Variants in ZNF106 observed in about 807,000 individuals in gnomAD.
The protein encoded by ZNF106 is SH3-domain binding protein 3.
In ZNF106, 67 loss-of-function variants were observed where a neutral mutation model predicts 195.1. That is an observed-to-expected ratio of 0.34 (90% CI 0.28 to 0.42). ZNF106 has a LOEUF of 0.42. ZNF106 is among the 10% of genes least tolerant of loss of function. The probability of loss-of-function intolerance (pLI) is 1.00; values close to 1 mark genes in which losing one functional copy is unlikely to be tolerated. For missense variants in ZNF106, 2,118 were observed against 2,304.5 expected, an observed-to-expected ratio of 0.92 and a Z score of 1.66; for synonymous variants, 784 against 818.6, an observed-to-expected ratio of 0.96 and a Z score of 0.72.
chr15:42,468,978 G>A (rs1012871313), intron 2 of ZNF106, among the ~76,000 whole-genome samples: 3 of 152,052 alleles, frequency 2.0e-5, no homozygotes, highest in East Asian at 1.9e-4. Flanking sequence ...CCTGAGGTTA[G>A]GAGTTCGAGA....
intron 8 of ZNF106, 29 bp from the exon 9 acceptor site, chr15:42,444,291 T>G (rs1262030531): frequency 5.1e-6 from 8 of 1,571,578 alleles, no homozygotes; most frequent in Non-Finnish European, 7.0e-6. Context: ...ATTAAGCATT[T>G]TGAAATCCAA....
chr15:42,472,391 C>A (rs1041990203), intron 1 of ZNF106, 70 bp from the exon 2 acceptor site: 2 of 1,161,436 alleles, frequency 1.7e-6, no homozygotes, highest in Non-Finnish European at 1.2e-6. Context: ...TTCACATAAC[C>A]AAAATTACAA....
At chr15:42,473,642 C>A (rs73402776) in intron 1 of ZNF106, among the ~76,000 whole-genome samples, 7,187 of 152,196 alleles carry the variant, frequency 0.047, 560 homozygotes, top group African/African-American at 0.16. Context: ...TCTGACACCC[C>A]ACCTCTCCAC....
At position 42,448,059 on chromosome 15, in the gene ZNF106, G is replaced by A; in HGVS notation, c.3135+13C>T. ...TGCGATGTTCTACAAAAAGCAGAGG[G>A]AATTATACTCACTCCAGTGGCTCTT... On this transcript the variant is annotated intron_variant, in intron 6 of 21. Coordinates refer to ENST00000564754, the MANE Select transcript of ZNF106 (RefSeq NM_001366845.3). 2 of 1,598,056 alleles carry A rather than the reference G, an allele frequency of 1.3e-6. No homozygotes were observed. Among genetic ancestry groups the A allele is most frequent in the Non-Finnish European group, 1.7e-6 (2 of 1,170,778 alleles).
At position 42,442,093 on chromosome 15, in the gene ZNF106, T is replaced by C. The variant is rs1271417677; in HGVS notation, c.3743A>G (p.Lys1248Arg). 1.2e-6 allele frequency: 2 copies of C among 1,612,878 alleles called. No individual in the cohort carries two copies. Among genetic ancestry groups the C allele is most frequent in the Non-Finnish European group, 1.7e-6 (2 of 1,179,416 alleles). The change falls in exon 10 of 22, where the codon AAG becomes AGG. Residue 1248 changes from lysine to arginine, a missense_variant. Coordinates refer to ENST00000564754, the MANE Select transcript of ZNF106 (RefSeq NM_001366845.3). ...CATACTATTAGCTTCCAGTAATTCC[T>C]TGGACACATTGCAGGCAGAGCTTGG... is the stretch of plus-strand genomic sequence containing the variant. ...VPPSSACNVSKELLEANREIS... is the reference protein window; with the variant it reads ...VPPSSACNVSRELLEANREIS...
rs866375926 is a variant in ZNF106 at position 42,440,758 on chromosome 15, G to A, written c.3764-945C>T. ...AGCACTTTGGAAGGCTGAGGCGGTC[G>A]GATCACTTGAGGTCAGGAGTTCAAG... On this transcript the variant is annotated intron_variant, in intron 10 of 21. Transcript: ENST00000564754. Among the ~76,000 whole-genome samples the A allele has an allele frequency of 5.9e-5, 9 of 151,308 alleles. No homozygotes were observed. In the South Asian group the frequency reaches 1.0e-3, roughly 18 times the overall value.
chr15:42,446,227 G>A (rs1464498424), intron 7 of ZNF106, among the ~76,000 whole-genome samples: 1 of 152,188 alleles, frequency 6.6e-6, no homozygotes. Context: ...TGGACAATCA[G>A]TGTTTGATAA....
rs144352420 is a variant in ZNF106, at chr15:42,424,973, C to G, written c.5051G>C (p.Cys1684Ser). The change falls in exon 16 of 22, where the codon TGT becomes TCT. Residue 1684 changes from cysteine (C) to serine (S), a missense_variant. Coordinates refer to ENST00000564754, the MANE Select transcript of ZNF106 (RefSeq NM_001366845.3). Reference sequence around the variant, plus strand: ...GGCACCTTCCTGAGCTGTAGCAAGACAGCTGACTGCCCGAGGGCCATGGCA... The same window carrying G: ...GGCACCTTCCTGAGCTGTAGCAAGAGAGCTGACTGCCCGAGGGCCATGGCA... Reference protein sequence around the residue: ...FECHGPRAVSCLATAQEGARK... With the variant: ...FECHGPRAVSSLATAQEGARK... The G allele has an allele frequency of 6.3e-5, 101 of 1,614,052 alleles. No homozygotes were observed. The highest frequency in any genetic ancestry group is 5.8e-4 in the East Asian group (26 of 44,898).
Position 42,429,339 on chromosome 15 carries a change from T to A in ZNF106, c.4882-1205A>T, listed in dbSNP as rs1033118509. 2.6e-5 allele frequency among the ~76,000 whole-genome samples: 4 copies of A among 151,540 alleles called. No homozygotes were observed. In the East Asian group the frequency reaches 7.8e-4, roughly 30 times the overall value. ...TTGTAGTCCCAGCTACTTGGGAGGCTGAGGCAGGAGAACTGCTTGAACCAC... is the reference window on the plus strand; with the variant it reads ...TTGTAGTCCCAGCTACTTGGGAGGCAGAGGCAGGAGAACTGCTTGAACCAC... On this transcript the variant is annotated intron_variant, in intron 14 of 21. Transcript: ENST00000564754.
chr15:42,472,815 G>A (rs977267071), intron 1 of ZNF106, among the ~76,000 whole-genome samples: 11 of 152,174 alleles, frequency 7.2e-5, no homozygotes, highest in African/African-American at 2.4e-4. Flanking sequence ...TTAGAGACCA[G>A]CCTGGCCAAC....
intron 17 of ZNF106, among the ~76,000 whole-genome samples, chr15:42,423,325 G>A (rs2054736260): frequency 6.6e-6 from 1 of 151,432 alleles, no homozygotes; most frequent in Admixed American, 6.6e-5. Flanking sequence ...AGTCAAGATC[G>A]CACTACTGCA....
intron 19 of ZNF106, among the ~76,000 whole-genome samples, chr15:42,421,481 G>A (rs1026876844): frequency 3.9e-5 from 6 of 152,092 alleles, no homozygotes; most frequent in African/African-American, 1.4e-4. Context: ...ACTACTCAGA[G>A]TCTGAAAAAC....
chr15:42,481,448 C>T (rs1317476560), intron 1 of ZNF106, among the ~76,000 whole-genome samples: 3 of 150,224 alleles, frequency 2.0e-5, no homozygotes, highest in African/African-American at 7.4e-5. Context: ...ACCTCCACCT[C>T]CTGGGTTCAA....
At chr15:42,446,729 C>A in intron 6 of ZNF106, 71 bp from the exon 7 acceptor site, 2 of 1,306,272 alleles carry the variant, frequency 1.5e-6, no homozygotes, top group South Asian at 2.7e-5. Flanking sequence ...AAAAAGGAAT[C>A]AATTCTAAGA....
intron 1 of ZNF106, among the ~76,000 whole-genome samples, chr15:42,486,294 C>T (rs1004498808): frequency 6.6e-6 from 1 of 150,894 alleles, no homozygotes; most frequent in South Asian, 2.1e-4. Flanking sequence ...GGGGTTTGTT[C>T]TATCACCTGG....
chr15:42,478,582 C>G (rs1207023633), intron 1 of ZNF106, among the ~76,000 whole-genome samples: 1 of 135,530 alleles, frequency 7.4e-6, no homozygotes, highest in Non-Finnish European at 1.5e-5. Flanking sequence ...GTGGCATGAT[C>G]TCAGCTCACG....
chr15:42,436,691 G>C (rs2055285219), intron 13 of ZNF106, among the ~76,000 whole-genome samples: 1 of 152,132 alleles, frequency 6.6e-6, no homozygotes, highest in South Asian at 2.1e-4. Flanking sequence ...TAAGTGTGAG[G>C]CAGTGGAAAA....
rs1425112405 is a variant in ZNF106, at chr15:42,413,864, A to G, written c.*3440T>C. The G allele has an allele frequency of 2.6e-5, 4 of 152,362 alleles. No homozygotes were observed. Among genetic ancestry groups the G allele is most frequent in the Non-Finnish European group, 5.9e-5 (4 of 68,038 alleles). The allele number at this position is 152,362 out of a possible 1,614,324, so 9.4% of individuals were successfully genotyped here. A position where few individuals can be genotyped will look rare whatever the true frequency, so the allele number is the denominator to read the frequency against. ...CCTTTGCTGTTAGAGTTTTGTTTGC[A>G]TGGTGTGGAACTGCTTTATAAACTG... On this transcript the variant is annotated 3_prime_UTR_variant, in exon 22 of 22. Coordinates refer to ENST00000564754, the MANE Select transcript of ZNF106 (RefSeq NM_001366845.3).
chr15:42,468,313 G>C (rs1322062580), intron 2 of ZNF106, among the ~76,000 whole-genome samples: 1 of 150,852 alleles, frequency 6.6e-6, no homozygotes, highest in African/African-American at 2.4e-5. Context: ...CCTGACCTCA[G>C]GTGATCCACC....
Sources: gnomAD v4.1 joint callset for allele counts (sites outside exome capture counted in the v4.1 genomes callset) on GRCh38, gnomAD v4.1.1 for gene constraint, MANE v1.5 for transcripts, NCBI Gene and HGNC (gene_info 2026-07-23, HGNC 2026-07-21) for gene names.